SATL1: variants seen among roughly 807,000 people sequenced by gnomAD.
The protein encoded by SATL1 is spermidine/spermine N(1)-acetyltransferase-like protein 1.
A neutral mutation model predicts 51.8 loss-of-function variants in SATL1; 47 were observed. The ratio of observed to expected loss-of-function variants is 0.91; its 90% CI spans 0.72 to 1.16. The LOEUF is 1.16. SATL1 is among the 50% of genes most tolerant of loss of function. SATL1 has a pLI of 0.00. For missense variants in SATL1, 520 were observed against 526.4 expected (o/e 0.99, Z 0.12); for synonymous variants, 176 against 182.4 (o/e 0.97, Z 0.28).
intron 2 of SATL1, among the ~76,000 whole-genome samples, chrX:85,131,391 C>T (rs1422785831): frequency 2.7e-5 from 3 of 111,579 alleles, no homozygotes; most frequent in Admixed American, 9.5e-5. Flanking sequence ...GATCCCTTTA[C>T]CATTATGTAA....
rs374453510 is a variant in SATL1, at chrX:85,110,282, C to A, written c.-312-1002G>T. Among the ~76,000 whole-genome samples, 17 of 111,494 alleles carry A rather than the reference C, an allele frequency of 1.5e-4. No homozygotes were observed. In the South Asian group the frequency reaches 2.3e-3, roughly 15 times the overall value. ...AAACACATTCCACTCGTTCTCCATC[C>A]TCATATCTGTGAGGTCAGGCATTTT... On this transcript the variant is annotated intron_variant, in intron 2 of 7. Transcript: ENST00000644105.
intron 1 of SATL1, among the ~76,000 whole-genome samples, chrX:85,227,477 A>T (rs756249723): frequency 8.9e-6 from 1 of 112,255 alleles, no homozygotes; most frequent in South Asian, 3.6e-4. Context: ...CATCCCAACA[A>T]GGGAAACAAC....
intron 2 of SATL1, among the ~76,000 whole-genome samples, chrX:85,177,250 T>C (rs1927098590): frequency 1.8e-5 from 2 of 111,567 alleles, no homozygotes; most frequent in Admixed American, 9.5e-5. Context: ...GTTAATATTG[T>C]TCCTTTGCTA....
chrX:85,164,443 T>G (rs749743821), intron 2 of SATL1, among the ~76,000 whole-genome samples: 1 of 112,032 alleles, frequency 8.9e-6, no homozygotes, highest in African/African-American at 3.2e-5. Context: ...TAGTGGTGAA[T>G]GCTCTTAGCA....
At chrX:85,140,735 T>C (rs1177611121) in intron 2 of SATL1, among the ~76,000 whole-genome samples, 1 of 112,134 alleles carries the variant, frequency 8.9e-6, no homozygotes, top group Admixed American at 9.5e-5. Context: ...AACAGGTTGC[T>C]AGCTACTGTT....
chrX:85,155,105 G>A (rs1569238479), intron 2 of SATL1, among the ~76,000 whole-genome samples: 1 of 111,069 alleles, frequency 9.0e-6, no homozygotes, highest in African/African-American at 3.3e-5. Context: ...CCATAATTCC[G>A]TATCCTTTCA....
intron 2 of SATL1, among the ~76,000 whole-genome samples, chrX:85,148,104 A>G (rs1307381381): frequency 2.7e-5 from 3 of 111,534 alleles, no homozygotes; most frequent in Non-Finnish European, 5.7e-5. Context: ...TATAACTAGA[A>G]TAACCAATAC....
intron 2 of SATL1, chrX:85,142,514 C>T (rs1393688560): frequency 7.2e-5 from 8 of 110,771 alleles, no homozygotes; most frequent in Non-Finnish European, 1.3e-4. Context: ...AAAGTTCAAC[C>T]TGAAGCTCTC....
chrX:85,225,198 A>G (rs980007114), intron 1 of SATL1, among the ~76,000 whole-genome samples: 1 of 112,043 alleles, frequency 8.9e-6, no homozygotes, highest in Non-Finnish European at 1.9e-5. Context: ...CTGTATCTTG[A>G]CTGTGGTAGT....
At chrX:85,218,314 TTAAAA>T (rs1337696532) in intron 2 of SATL1, among the ~76,000 whole-genome samples, 18 of 111,437 alleles carry the variant, frequency 1.6e-4, no homozygotes, top group African/African-American at 9.8e-5. Context: ...AAAAAAAATC[TTAAAA>T]TAAAGGCCTA....
rs763405550 is a variant in SATL1 at position 85,235,014 on chromosome X, A to G, written c.-435+8574T>C. ...TAAAGACACACATAGACTGAAAATA[A>G]AGGGATGAAAAAATATGTTCCATGC... On this transcript the variant is annotated intron_variant, in intron 1 of 7. Transcript: ENST00000644105. Among the ~76,000 whole-genome samples the G allele has an allele frequency of 6.3e-5, 7 of 111,581 alleles. No homozygotes were observed. The East Asian group carries it at 2.0e-3, about 31-fold the overall frequency.
chrX:85,243,307 T>C (rs1453720382), intron 1 of SATL1, among the ~76,000 whole-genome samples: 3 of 112,483 alleles, frequency 2.7e-5, no homozygotes, highest in South Asian at 3.7e-4. Context: ...AGTCCCCACC[T>C]ACCTTTCATC....
chrX:85,151,166 C>G lies in SATL1; in HGVS notation c.-312-41886G>C, dbSNP rs759254956. Among the ~76,000 whole-genome samples, 548 of 109,300 alleles carry G rather than the reference C, an allele frequency of 5.0e-3. 1 individual carries two copies. The highest frequency in any genetic ancestry group is 7.7e-3 in the Non-Finnish European group (406 of 52,464). 94.9% of individuals were successfully genotyped at this position (109,300 alleles called of 115,157 possible). On this transcript the variant is annotated intron_variant, in intron 2 of 7. Coordinates refer to ENST00000644105, the MANE Select transcript of SATL1 (RefSeq NM_001367857.2). ...CAAAAATCACAAGCATTCTTATACA[C>G]CAATAACAGACAAACGGAGAGCCAA...
chrX:85,231,321 G>T (rs1051632873), intron 1 of SATL1, among the ~76,000 whole-genome samples: 1 of 111,964 alleles, frequency 8.9e-6, no homozygotes, highest in East Asian at 2.8e-4. Flanking sequence ...GATAAATTTT[G>T]CATGATTCCA....
intron 2 of SATL1, among the ~76,000 whole-genome samples, chrX:85,218,202 C>T (rs1307764417): frequency 9.1e-6 from 1 of 109,966 alleles, no homozygotes; most frequent in African/African-American, 3.3e-5. Flanking sequence ...ATAATCTGTA[C>T]ACCAAATCGC....
intron 2 of SATL1, among the ~76,000 whole-genome samples, chrX:85,222,508 T>G (rs763074107): frequency 9.0e-6 from 1 of 111,254 alleles, no homozygotes; most frequent in Admixed American, 9.5e-5. Flanking sequence ...CCAATATACA[T>G]ATATATTTGA....
chrX:85,164,247 T>C (rs886939254), intron 2 of SATL1, among the ~76,000 whole-genome samples: 1 of 111,945 alleles, frequency 8.9e-6, no homozygotes, highest in African/African-American at 3.2e-5. Flanking sequence ...AACATTAGTA[T>C]TGAGATGTGA....
chrX:85,232,285 C>G lies in SATL1; in HGVS notation c.-434-7959G>C, dbSNP rs184545294. 9.0e-5 allele frequency among the ~76,000 whole-genome samples: 10 copies of G among 110,727 alleles called. No homozygotes were observed. In the East Asian group the frequency reaches 2.9e-3, roughly 32 times the overall value. Reference sequence around the variant, plus strand: ...GGTCCTGAATGGTGCCCAGGCAACACTCAGTGTGGGTTTTGGGTGATACTC... The same window carrying G: ...GGTCCTGAATGGTGCCCAGGCAACAGTCAGTGTGGGTTTTGGGTGATACTC... On this transcript the variant is annotated intron_variant, in intron 1 of 7. Transcript: ENST00000644105.
rs1021102327 is a variant in SATL1, at chrX:85,234,971, A to G, written c.-435+8617T>C. 4.5e-5 allele frequency among the ~76,000 whole-genome samples: 5 copies of G among 111,485 alleles called. No homozygotes were observed. In the Admixed American group the frequency reaches 4.8e-4, roughly 11 times the overall value. On this transcript the variant is annotated intron_variant, in intron 1 of 7. Coordinates refer to ENST00000644105, the MANE Select transcript of SATL1 (RefSeq NM_001367857.2). The stretch of plus-strand genomic sequence containing the variant: ...AAGACCCAACAATCTGCTGCTTATA[A>G]GAATCAAACTGCACCCATAAAGACA...
Sources: allele counts gnomAD v4.1 joint callset (sites outside exome capture counted in the v4.1 genomes callset), GRCh38; gene constraint gnomAD v4.1.1; transcripts MANE v1.5; gene names NCBI Gene and HGNC (gene_info 2026-07-23, HGNC 2026-07-21).